The following ANXA8 variants were observed in gnomAD, a reference collection of about 807,000 sequenced individuals.
The protein encoded by ANXA8 is annexin A8.
In ANXA8, 9 loss-of-function variants were observed where a neutral mutation model predicts 26.8. That is an observed-to-expected ratio of 0.34 (90% CI 0.20 to 0.59). ANXA8 has a LOEUF of 0.59. Ranked by LOEUF, ANXA8 falls within the 20% of genes least tolerant of loss-of-function variation. ANXA8 has a pLI of 0.84. For missense variants in ANXA8, 83 were observed against 238.5 expected (o/e 0.35, Z 4.29); for synonymous variants, 39 against 94.8 (o/e 0.41, Z 3.42).
At chr10:47,742,981 C>T in the ANXA8 span, among the ~76,000 whole-genome samples, 12 of 133,220 alleles carry the variant, frequency 9.0e-5, no homozygotes, top group East Asian at 2.6e-4. Flanking sequence ...GGTGAAACCC[C>T]GTCTCTACTA....
At chr10:47,768,842 G>A in the ANXA8 span, among the ~76,000 whole-genome samples, 45 of 151,688 alleles carry the variant, frequency 3.0e-4, no homozygotes, top group African/African-American at 9.2e-4. Context: ...AAGCAGCCGG[G>A]CTCCCTCAGA....
At chr10:47,700,472 C>T in the ANXA8 span, among the ~76,000 whole-genome samples, 2 of 151,840 alleles carry the variant, frequency 1.3e-5, no homozygotes, top group African/African-American at 4.8e-5. Context: ...GAAAATTGGA[C>T]ACGTATCTCA....
chr10:47,740,838 A>T, the ANXA8 span, among the ~76,000 whole-genome samples: 1 of 140,982 alleles, frequency 7.1e-6, no homozygotes, highest in South Asian at 2.3e-4. Flanking sequence ...TGTGGACATA[A>T]GTTTTTGTTG....
At chr10:47,902,853 AG>A in the ANXA8 span, among the ~76,000 whole-genome samples, 1 of 151,738 alleles carries the variant, frequency 6.6e-6, no homozygotes, top group Non-Finnish European at 1.5e-5. Context: ...TATAGCCTGA[AG>A]AAGGTTAAAC....
the ANXA8 span, among the ~76,000 whole-genome samples, chr10:47,755,550 C>T: frequency 1.3e-4 from 18 of 138,670 alleles, no homozygotes; most frequent in South Asian, 7.0e-4. Flanking sequence ...CCACCGTGCC[C>T]GGCCCTTTTT....
the ANXA8 span, among the ~76,000 whole-genome samples, chr10:47,594,988 G>A: frequency 2.9e-4 from 44 of 149,284 alleles, no homozygotes; most frequent in Admixed American, 5.3e-4. Flanking sequence ...TAACACAAAA[G>A]AAAAAACAAA....
the ANXA8 span, among the ~76,000 whole-genome samples, chr10:47,671,044 A>G: frequency 6.6e-6 from 1 of 151,838 alleles, no homozygotes; most frequent in Non-Finnish European, 1.5e-5. Context: ...ATGTGGTCCC[A>G]GCAGAAGTGA....
the ANXA8 span, among the ~76,000 whole-genome samples, chr10:47,521,049 G>A: frequency 1.8e-5 from 2 of 113,686 alleles, no homozygotes; most frequent in Non-Finnish European, 3.4e-5. Context: ...TGAGGACACA[G>A]AACCTTAGTT....
At chr10:47,982,123 A>G in the ANXA8 span, among the ~76,000 whole-genome samples, 3 of 151,530 alleles carry the variant, frequency 2.0e-5, no homozygotes, top group Non-Finnish European at 4.4e-5. Flanking sequence ...CCCCATCTCT[A>G]CAAAAAATAA....
At chr10:47,618,558 T>C in the ANXA8 span, among the ~76,000 whole-genome samples, 1 of 114,430 alleles carries the variant, frequency 8.7e-6, no homozygotes, top group Non-Finnish European at 1.9e-5. Context: ...ATGTCCTTCT[T>C]GAACCATACA....
the ANXA8 span, chr10:47,491,494 C>T: frequency 1.4e-6 from 1 of 705,422 alleles, no homozygotes; most frequent in East Asian, 3.0e-5. Flanking sequence ...TCCTGAGGGG[C>T]CAAGGCCTCC....
the ANXA8 span, among the ~76,000 whole-genome samples, chr10:47,510,947 T>A: frequency 2.5e-4 from 34 of 133,574 alleles, no homozygotes; most frequent in African/African-American, 6.0e-4. Context: ...TTTATTTATT[T>A]ATTTATTTAT....
the ANXA8 span, among the ~76,000 whole-genome samples, chr10:47,518,416 A>AT: frequency 0.022 from 2,202 of 100,246 alleles, 180 homozygotes; most frequent in Admixed American, 0.034. Context: ...ACGTATCTTA[A>AT]TTTTTTTTTT....
the ANXA8 span, chr10:47,599,673 A>G: frequency 6.6e-6 from 1 of 150,842 alleles, no homozygotes. Flanking sequence ...CTTCGTCTGC[A>G]GCACGCTGCT....
At chr10:47,607,837 C>T in the ANXA8 span, among the ~76,000 whole-genome samples, 1 of 104,686 alleles carries the variant, frequency 9.6e-6, no homozygotes, top group Non-Finnish European at 1.8e-5. Context: ...GGTGGATGTC[C>T]TTAAGAGAAT....
chr10:47,654,020 T>C, the ANXA8 span, among the ~76,000 whole-genome samples: 2 of 151,778 alleles, frequency 1.3e-5, no homozygotes, highest in Admixed American at 6.5e-5. Flanking sequence ...TAGGGTCCAG[T>C]ATACAGCTGT....
the ANXA8 span, among the ~76,000 whole-genome samples, chr10:47,506,431 A>G: frequency 5.1e-5 from 7 of 137,566 alleles, no homozygotes; most frequent in African/African-American, 2.0e-4. Context: ...CCCAGGCTCA[A>G]GTGATTCTCC....
the ANXA8 span, among the ~76,000 whole-genome samples, chr10:47,946,108 C>T: frequency 2.7e-5 from 4 of 149,096 alleles, no homozygotes; most frequent in Non-Finnish European, 5.9e-5. Context: ...TGCCTACACT[C>T]TGCTCTGCCT....
the ANXA8 span, among the ~76,000 whole-genome samples, chr10:47,554,080 T>G: frequency 8.8e-5 from 13 of 148,130 alleles, no homozygotes; most frequent in Admixed American, 8.1e-4. Flanking sequence ...AAGACCAATC[T>G]GGGCAACATA....
Sources: allele counts gnomAD v4.1 joint callset (sites outside exome capture counted in the v4.1 genomes callset), GRCh38; gene constraint gnomAD v4.1.1; transcripts MANE v1.5; gene names NCBI Gene and HGNC (gene_info 2026-07-23, HGNC 2026-07-21).